Variants in NPAS3 observed in about 807,000 individuals in gnomAD.
NPAS3 encodes neuronal PAS domain protein 3, also known as neuronal PAS domain-containing protein 3.
A neutral mutation model predicts 73.1 loss-of-function variants in NPAS3; 14 were observed. The observed-to-expected ratio is 0.19, with a 90% CI of 0.13 to 0.30. The LOEUF (loss-of-function observed/expected upper bound fraction) is 0.30, where lower values mean the gene tolerates loss of function less well. Among genes scored for constraint, NPAS3 ranks in the 10% least tolerant of loss-of-function variants. The pLI, the probability that NPAS3 is intolerant of heterozygous loss-of-function variation, is 1.00. For synonymous variants in NPAS3, 620 were observed against 541.5 expected (o/e 1.14, Z -2.01); for missense variants, 1,096 against 1,250.0 (o/e 0.88, Z 1.86).
In NPAS3 at chr14:33,799,480, G is replaced by T. The variant is rs553950411; in HGVS notation, c.1427-254G>T. Among the ~76,000 whole-genome samples the T allele has an allele frequency of 3.3e-5, 5 of 152,300 alleles. No homozygotes were observed. In the South Asian group the frequency reaches 1.0e-3, roughly 32 times the overall value. ...GGAGCAGAGAGTCTGCATTTGCAGCGGGTGTCCAGATGATTGCCAATGCTG... is the reference window on the plus strand; with the variant it reads ...GGAGCAGAGAGTCTGCATTTGCAGCTGGTGTCCAGATGATTGCCAATGCTG... On this transcript the variant is annotated intron_variant, in intron 11 of 11. Coordinates refer to ENST00000356141, the Ensembl canonical transcript of NPAS3.
chr14:33,544,053 C>T (rs1300893707), intron 4 of NPAS3, among the ~76,000 whole-genome samples: 2 of 126,908 alleles, frequency 1.6e-5, no homozygotes, highest in African/African-American at 6.2e-5. Context: ...CATGTAGAGT[C>T]CTTCTCCCAG....
At chr14:33,676,493 A>G in intron 6 of NPAS3, 108 bp downstream of exon 6, 4 of 842,768 alleles carry the variant, frequency 4.7e-6, no homozygotes, top group Non-Finnish European at 6.9e-6. Flanking sequence ...AGGGTATTTA[A>G]CAATTCCATG....
At chr14:33,631,085 A>G (rs1479163496) in intron 5 of NPAS3, among the ~76,000 whole-genome samples, 3 of 152,210 alleles carry the variant, frequency 2.0e-5, no homozygotes, top group African/African-American at 7.2e-5. Context: ...TCCACTGTGC[A>G]ACAATAAAGT....
chr14:33,438,616 C>T (rs944252365), intron 4 of NPAS3, among the ~76,000 whole-genome samples: 1 of 152,146 alleles, frequency 6.6e-6, no homozygotes, highest in African/African-American at 2.4e-5. Flanking sequence ...ATTAATGGCT[C>T]AGCTGGGGTA....
intron 4 of NPAS3, among the ~76,000 whole-genome samples, chr14:33,369,340 G>A (rs538931836): frequency 7.9e-6 from 1 of 127,124 alleles, no homozygotes; most frequent in Non-Finnish European, 1.6e-5. Context: ...AGAAAGTTTA[G>A]TTTGGAAAAC....
At chr14:33,283,267 C>T (rs959246535) in intron 3 of NPAS3, among the ~76,000 whole-genome samples, 5 of 152,282 alleles carry the variant, frequency 3.3e-5, no homozygotes, top group Non-Finnish European at 5.9e-5. Flanking sequence ...TTCTGCTGTT[C>T]ATTTCATTGT....
At chr14:33,780,610 T>C in intron 9 of NPAS3, 1 of 454,954 alleles carries the variant, frequency 2.2e-6, no homozygotes, top group Middle Eastern at 3.3e-4. Context: ...TCATGCTATC[T>C]CTCTGGGATT....
At position 33,368,797 on chromosome 14, in the gene NPAS3, C is replaced by T. The variant is rs115333798; in HGVS notation, c.468+1529C>T. Among the ~76,000 whole-genome samples the T allele has an allele frequency of 3.5e-3, 535 of 152,252 alleles. 5 individuals carry two copies. Among genetic ancestry groups the T allele is most frequent in the African/African-American group, 0.012 (503 of 41,562 alleles). Reference sequence around the variant, plus strand: ...AATTGTTACTTCCTTTTCTCTTACACACATGTTGTTTGGAATCTTCATTAT... The same window carrying T: ...AATTGTTACTTCCTTTTCTCTTACATACATGTTGTTTGGAATCTTCATTAT... On this transcript the variant is annotated intron_variant, in intron 4 of 11. Coordinates refer to ENST00000356141, the Ensembl canonical transcript of NPAS3.
intron 2 of NPAS3, among the ~76,000 whole-genome samples, chr14:33,163,623 G>GTTTTTTTTTTTTTTTTT (rs71448290): frequency 1.8e-5 from 2 of 110,622 alleles, no homozygotes; most frequent in African/African-American, 3.1e-5. Context: ...GTGTTTTGTT[G>GTTTTTTTTTTTTTTTTT]TTTTTTTTTT....
chr14:33,072,161 G>T (rs575939108), intron 2 of NPAS3, among the ~76,000 whole-genome samples: 90 of 152,300 alleles, frequency 5.9e-4, no homozygotes, highest in African/African-American at 2.0e-3. Context: ...AAAGTGCTGG[G>T]ATTACAGGCG....
intron 1 of NPAS3, among the ~76,000 whole-genome samples, chr14:33,012,770 G>A (rs1298718974): frequency 1.3e-5 from 2 of 152,048 alleles, no homozygotes; most frequent in Admixed American, 6.6e-5. Context: ...GGCTGGTCTC[G>A]AACTACTGAG....
At chr14:33,614,271 A>G (rs1004223022) in intron 5 of NPAS3, among the ~76,000 whole-genome samples, 3 of 152,208 alleles carry the variant, frequency 2.0e-5, no homozygotes, top group Non-Finnish European at 4.4e-5. Context: ...TTGATATCTC[A>G]TAGAGGCCCC....
intron 4 of NPAS3, among the ~76,000 whole-genome samples, chr14:33,455,621 G>A (rs551263898): frequency 6.6e-6 from 1 of 152,350 alleles, no homozygotes; most frequent in Non-Finnish European, 1.5e-5. Flanking sequence ...GAATATTACA[G>A]ATGCAGCTAT....
At chr14:33,329,768 A>G (rs943529408) in intron 3 of NPAS3, among the ~76,000 whole-genome samples, 2 of 152,146 alleles carry the variant, frequency 1.3e-5, no homozygotes, top group African/African-American at 4.8e-5. Context: ...AACTTTTAGT[A>G]AGTAAGCCCT....
chr14:33,054,879 T>C (rs1268429284), intron 1 of NPAS3, among the ~76,000 whole-genome samples: 9 of 152,202 alleles, frequency 5.9e-5, no homozygotes, highest in Non-Finnish European at 1.3e-4. Context: ...CCCAAAGTGC[T>C]GTGATTACAG....
At chr14:33,523,033 C>G (rs988383277) in intron 4 of NPAS3, among the ~76,000 whole-genome samples, 1 of 152,088 alleles carries the variant, frequency 6.6e-6, no homozygotes, top group African/African-American at 2.4e-5. Flanking sequence ...GAATTACACC[C>G]ATAGTCTGAG....
chr14:33,461,140 C>A (rs1054672389), intron 4 of NPAS3, among the ~76,000 whole-genome samples: 1 of 152,162 alleles, frequency 6.6e-6, no homozygotes, highest in Non-Finnish European at 1.5e-5. Context: ...GCCTGCGAGG[C>A]TTTATTTAAA....
At chr14:33,649,179 C>G (rs1379251071) in intron 5 of NPAS3, among the ~76,000 whole-genome samples, 1 of 152,180 alleles carries the variant, frequency 6.6e-6, no homozygotes. Flanking sequence ...ACTTGATTGT[C>G]TCTCTGTCCA....
intron 2 of NPAS3, among the ~76,000 whole-genome samples, chr14:33,099,128 C>T (rs1161332650): frequency 3.9e-5 from 6 of 152,260 alleles, no homozygotes; most frequent in African/African-American, 1.4e-4. Flanking sequence ...AGCAGTTTCC[C>T]GAGGAAAGCT....
Sources: gnomAD v4.1 joint callset for allele counts (sites outside exome capture counted in the v4.1 genomes callset) on GRCh38, gnomAD v4.1.1 for gene constraint, MANE v1.5 for transcripts, NCBI Gene and HGNC (gene_info 2026-07-23, HGNC 2026-07-21) for gene names.